Variants in THSD7B observed in about 807,000 individuals in gnomAD.
THSD7B encodes the protein thrombospondin type 1 domain containing 7B, also known as thrombospondin type-1 domain-containing protein 7B.
A neutral mutation model predicts 213.6 loss-of-function variants in THSD7B; 138 were observed. That is an observed-to-expected ratio of 0.65 (90% CI 0.56 to 0.74). The LOEUF (loss-of-function observed/expected upper bound fraction) is 0.74. Ranked by LOEUF, THSD7B falls within the 30% of genes least tolerant of loss-of-function variation. THSD7B has a pLI of 0.00. For missense variants in THSD7B, 1,931 were observed against 1,991.5 expected (o/e 0.97, Z 0.58); for synonymous variants, 742 against 687.0 (o/e 1.08, Z -1.25).
intron 15 of THSD7B, among the ~76,000 whole-genome samples, chr2:137,478,653 T>A (rs560888497): frequency 3.5e-4 from 54 of 152,348 alleles, no homozygotes; most frequent in African/African-American, 1.2e-3. Context: ...CTTGTGTCCT[T>A]ACATTGATAT....
chr2:136,978,635 T>C (rs10179467), intron 2 of THSD7B, among the ~76,000 whole-genome samples: 6,550 of 152,260 alleles, frequency 0.043, 284 homozygotes, highest in African/African-American at 0.11. Flanking sequence ...TTCTGTTTGC[T>C]TGGTAAATTT....
chr2:137,127,230 T>C lies in THSD7B; in HGVS notation c.1369+11937T>C, dbSNP rs189474998. ...AAAATGCAATAGCTGAAAAGTGAAA[T>C]AAAATGAAGTATGCCCGTATTTAAT... On this transcript the variant is annotated intron_variant, in intron 5 of 27. Coordinates refer to ENST00000409968, the MANE Select transcript of THSD7B (RefSeq NM_001316349.2). Among the ~76,000 whole-genome samples the C allele has an allele frequency of 5.9e-4, 89 of 152,104 alleles. 2 individuals carry two copies. The highest frequency in any genetic ancestry group is 3.4e-3 in the Middle Eastern group (1 of 294).
At chr2:136,881,854 T>A (rs1331642028) in intron 1 of THSD7B, among the ~76,000 whole-genome samples, 3 of 152,122 alleles carry the variant, frequency 2.0e-5, no homozygotes, top group African/African-American at 7.2e-5. Context: ...TGATCTTTTT[T>A]TACCAAAAGT....
chr2:137,197,454 A>G (rs918306833), intron 7 of THSD7B, among the ~76,000 whole-genome samples: 10 of 152,224 alleles, frequency 6.6e-5, no homozygotes, highest in African/African-American at 2.2e-4. Context: ...CATTGAAATA[A>G]ATATTAAATG....
intron 3 of THSD7B, among the ~76,000 whole-genome samples, chr2:137,077,250 T>A (rs10172400): frequency 0.39 from 59,636 of 151,814 alleles, 13,939 homozygotes; most frequent in African/African-American, 0.65. Context: ...GTTGGTTCCA[T>A]GTCTTTGCTA....
chr2:137,045,352 A>G (rs765132151), intron 2 of THSD7B, among the ~76,000 whole-genome samples: 7 of 152,204 alleles, frequency 4.6e-5, no homozygotes, highest in Non-Finnish European at 1.0e-4. Flanking sequence ...ATACTGCAAC[A>G]TTCAATCTTG....
chr2:136,817,906 G>A (rs1682502056), intron 1 of THSD7B, among the ~76,000 whole-genome samples: 1 of 150,608 alleles, frequency 6.6e-6, no homozygotes, highest in Non-Finnish European at 1.5e-5. Flanking sequence ...AACAGGTGCT[G>A]GAGAGGATGT....
intron 2 of THSD7B, among the ~76,000 whole-genome samples, chr2:136,916,823 A>ATT (rs1200488360): frequency 6.6e-6 from 1 of 152,152 alleles, no homozygotes; most frequent in Non-Finnish European, 1.5e-5. Flanking sequence ...AACACTTAGT[A>ATT]GTTTACAGTG....
At chr2:137,516,597 T>C (rs547824793) in intron 15 of THSD7B, among the ~76,000 whole-genome samples, 4 of 152,180 alleles carry the variant, frequency 2.6e-5, no homozygotes, top group Non-Finnish European at 5.9e-5. Context: ...AGTAGGGGCT[T>C]ATGAAGGTCA....
chr2:137,170,701 G>C, intron 6 of THSD7B, 40 bp from the exon 7 acceptor site: 1 of 1,590,318 alleles, frequency 6.3e-7, no homozygotes, highest in Non-Finnish European at 8.6e-7. Context: ...TCCTGGAAAA[G>C]AGTGGAATTC....
Position 137,132,420 on chromosome 2 carries a change from T to C in THSD7B, c.1369+17127T>C, listed in dbSNP as rs144970519. ...AAAGATTTGATTTCGGGAATGTTTA[T>C]TTTTAATAGGGGAGTAATAGAATAG... On this transcript the variant is annotated intron_variant, in intron 5 of 27. Coordinates refer to ENST00000409968, the MANE Select transcript of THSD7B (RefSeq NM_001316349.2). Among the ~76,000 whole-genome samples the C allele has an allele frequency of 5.1e-3, 774 of 152,260 alleles. 9 individuals are homozygous for C. The highest frequency in any genetic ancestry group is 0.018 in the African/African-American group (740 of 41,536).
intron 4 of THSD7B, among the ~76,000 whole-genome samples, chr2:137,104,791 T>A (rs539353058): frequency 6.6e-6 from 1 of 152,048 alleles, no homozygotes; most frequent in Non-Finnish European, 1.5e-5. Context: ...TGTACGCAAA[T>A]AAACTAAAAA....
chr2:136,821,939 C>T (rs771602025), intron 1 of THSD7B, among the ~76,000 whole-genome samples: 7 of 152,122 alleles, frequency 4.6e-5, no homozygotes, highest in Non-Finnish European at 1.5e-5. Context: ...ATGCTGTCTA[C>T]AGAGAACACA....
intron 13 of THSD7B, among the ~76,000 whole-genome samples, chr2:137,409,007 G>A (rs556404794): frequency 3.9e-5 from 6 of 152,324 alleles, no homozygotes; most frequent in South Asian, 2.1e-4. Flanking sequence ...TGACTGTATC[G>A]TAACATGCTA....
chr2:136,834,786 C>T (rs1337157446), intron 1 of THSD7B, among the ~76,000 whole-genome samples: 1 of 152,104 alleles, frequency 6.6e-6, no homozygotes, highest in Non-Finnish European at 1.5e-5. Context: ...ACTTACCACT[C>T]AGTTTTATAT....
intron 5 of THSD7B, among the ~76,000 whole-genome samples, chr2:137,121,888 G>T (rs1688553396): frequency 6.6e-6 from 1 of 152,174 alleles, no homozygotes; most frequent in Non-Finnish European, 1.5e-5. Flanking sequence ...CTGTTGACCA[G>T]ACCAAAATTG....
intron 2 of THSD7B, among the ~76,000 whole-genome samples, chr2:137,047,328 G>A (rs1686989539): frequency 6.6e-6 from 1 of 152,190 alleles, no homozygotes; most frequent in Admixed American, 6.5e-5. Flanking sequence ...TGACTCTACT[G>A]GGTATATAGG....
rs115396549 is a variant in THSD7B, at chr2:137,254,323, G to A, written c.2266+11751G>A. Among the ~76,000 whole-genome samples, 1,438 of 152,230 alleles carry A rather than the reference G, an allele frequency of 9.4e-3. 35 individuals are homozygous for A. Among genetic ancestry groups the A allele is most frequent in the African/African-American group, 0.033 (1,376 of 41,528 alleles). ...ATTTGCTGATATCTAAAATATGTTT[G>A]TCATATTGTATTTTGAGACCTTATG... On this transcript the variant is annotated intron_variant, in intron 10 of 27. Coordinates refer to ENST00000409968, the MANE Select transcript of THSD7B (RefSeq NM_001316349.2).
chr2:137,486,998 G>A (rs1195795068), intron 15 of THSD7B, among the ~76,000 whole-genome samples: 1 of 151,730 alleles, frequency 6.6e-6, no homozygotes, highest in Non-Finnish European at 1.5e-5. Flanking sequence ...AAAGCAGTGT[G>A]TAGAGGGAAA....
Sources: allele counts gnomAD v4.1 joint callset (sites outside exome capture counted in the v4.1 genomes callset), GRCh38; gene constraint gnomAD v4.1.1; transcripts MANE v1.5; gene names NCBI Gene and HGNC (gene_info 2026-07-23, HGNC 2026-07-21).